The following MACROD2 variants were observed in gnomAD, a reference collection of about 807,000 sequenced individuals.
The protein encoded by MACROD2 is mono-ADP ribosylhydrolase 2.
A neutral mutation model predicts 70.4 loss-of-function variants in MACROD2; 36 were observed. The observed-to-expected ratio is 0.51, with a 90% CI of 0.39 to 0.68. The LOEUF (loss-of-function observed/expected upper bound fraction) is 0.68. Among genes scored for constraint, MACROD2 ranks in the 30% least tolerant of loss-of-function variants. The pLI is 0.00. For synonymous variants in MACROD2, 172 were observed against 178.8 expected (o/e 0.96, Z 0.30); for missense variants, 496 against 538.4 (o/e 0.92, Z 0.78).
intron 5 of MACROD2, among the ~76,000 whole-genome samples, chr20:15,030,906 G>A (rs2075269442): frequency 6.6e-6 from 1 of 152,200 alleles, no homozygotes; most frequent in African/African-American, 2.4e-5. Flanking sequence ...GAGGCTGGTA[G>A]CGCCTTTGCC....
At chr20:15,686,860 G>T in intron 8 of MACROD2, among the ~76,000 whole-genome samples, 1 of 124,966 alleles carries the variant, frequency 8.0e-6, no homozygotes, top group Non-Finnish European at 1.6e-5. Context: ...GTGACAGAGT[G>T]AGACTCCATC....
chr20:14,409,249 C>T (rs2122859715), intron 3 of MACROD2, among the ~76,000 whole-genome samples: 1 of 150,900 alleles, frequency 6.6e-6, no homozygotes, highest in South Asian at 2.1e-4. Context: ...GATCCCCCTG[C>T]AATGGAAGCT....
At chr20:14,797,675 CAGCACATAT>C (rs2072526450) in intron 5 of MACROD2, among the ~76,000 whole-genome samples, 1 of 152,122 alleles carries the variant, frequency 6.6e-6, no homozygotes, top group Non-Finnish European at 1.5e-5. Context: ...CTTTCTTTCA[CAGCACATAT>C]AGCTGTAGAT....
At chr20:15,230,103 C>CTAA in intron 6 of MACROD2, 42 bp downstream of exon 6, 14 of 1,578,468 alleles carry the variant, frequency 8.9e-6, no homozygotes, top group Non-Finnish European at 1.2e-5. Flanking sequence ...CTTTTTCAAC[C>CTAA]TTTATGCTTT....
chr20:14,846,691 A>G (rs1753040564), intron 5 of MACROD2, among the ~76,000 whole-genome samples: 1 of 151,582 alleles, frequency 6.6e-6, no homozygotes, highest in African/African-American at 2.4e-5. Flanking sequence ...CTAATTTTTT[A>G]TATTTTTAGT....
intron 4 of MACROD2, among the ~76,000 whole-genome samples, chr20:14,526,697 T>A (rs986176034): frequency 6.6e-6 from 1 of 152,164 alleles, no homozygotes. Flanking sequence ...TCACAGGGCA[T>A]GTGGTGGGGG....
chr20:14,238,387 A>G (rs943128843), intron 3 of MACROD2, among the ~76,000 whole-genome samples: 10 of 152,228 alleles, frequency 6.6e-5, no homozygotes, highest in Non-Finnish European at 1.0e-4. Flanking sequence ...TCAACACACC[A>G]GGCGTTGAAG....
At chr20:14,874,486 T>G (rs1036474474) in intron 5 of MACROD2, among the ~76,000 whole-genome samples, 1 of 151,016 alleles carries the variant, frequency 6.6e-6, no homozygotes, top group Non-Finnish European at 1.5e-5. Flanking sequence ...ACAAACAAAC[T>G]TTATAGGTCA....
rs982512385 is a variant in MACROD2 at position 14,987,396 on chromosome 20, C to T, written c.419-242544C>T. ...TTACTATTATTACTGGGATTGTTGC[C>T]GCCGTTGTTATTAAACAACTTGTTC... is the stretch of plus-strand genomic sequence containing the variant. On this transcript the variant is annotated intron_variant, in intron 5 of 17. Transcript: ENST00000684519. Among the ~76,000 whole-genome samples the T allele has an allele frequency of 2.1e-4, 32 of 152,094 alleles. 1 individual carries two copies. Among genetic ancestry groups the T allele is most frequent in the African/African-American group, 6.3e-4 (26 of 41,404 alleles).
At chr20:15,698,352 CA>C (rs2050407109) in intron 8 of MACROD2, among the ~76,000 whole-genome samples, 1 of 152,150 alleles carries the variant, frequency 6.6e-6, no homozygotes, top group Non-Finnish European at 1.5e-5. Context: ...TCCCTGGATA[CA>C]AAATTCTTGA....
rs541303881 is a variant in MACROD2 at position 15,618,844 on chromosome 20, C to T, written c.645+118997C>T. Among the ~76,000 whole-genome samples the T allele has an allele frequency of 4.6e-5, 7 of 152,258 alleles. No homozygotes were observed. In the South Asian group the frequency reaches 6.2e-4, roughly 14 times the overall value. ...AGAGAAAGAGTAAAATTCTCAGAGCCGGCTGTGCGGAGACAGGAGTTTTAT... is the reference window on the plus strand; with the variant it reads ...AGAGAAAGAGTAAAATTCTCAGAGCTGGCTGTGCGGAGACAGGAGTTTTAT... On this transcript the variant is annotated intron_variant, in intron 8 of 17. Coordinates refer to ENST00000684519, the MANE Select transcript of MACROD2 (RefSeq NM_001351661.2).
intron 8 of MACROD2, among the ~76,000 whole-genome samples, chr20:15,507,931 T>G (rs2047449167): frequency 6.6e-6 from 1 of 152,200 alleles, no homozygotes; most frequent in South Asian, 2.1e-4. Flanking sequence ...TTATTACCAG[T>G]TAGCCAGTGA....
intron 5 of MACROD2, among the ~76,000 whole-genome samples, chr20:14,832,292 C>G (rs562135846): frequency 6.6e-6 from 1 of 151,928 alleles, no homozygotes; most frequent in African/African-American, 2.4e-5. Flanking sequence ...CTGAATTGAT[C>G]AGGCTGAGAA....
chr20:15,947,507 A>C (rs2065841547), intron 12 of MACROD2, among the ~76,000 whole-genome samples: 1 of 152,120 alleles, frequency 6.6e-6, no homozygotes, highest in Non-Finnish European at 1.5e-5. Context: ...CATACAACAC[A>C]TGTTTCTGTG....
At chr20:14,702,772 G>A (rs1386517432) in intron 5 of MACROD2, among the ~76,000 whole-genome samples, 1 of 149,438 alleles carries the variant, frequency 6.7e-6, no homozygotes, top group Non-Finnish European at 1.5e-5. Flanking sequence ...TTGTCATTCA[G>A]GGTGGAGTGC....
At chr20:14,929,860 C>T (rs1464408079) in intron 5 of MACROD2, among the ~76,000 whole-genome samples, 1 of 152,118 alleles carries the variant, frequency 6.6e-6, no homozygotes, top group Non-Finnish European at 1.5e-5. Context: ...CACCCCATCA[C>T]TTAGAAATTT....
At chr20:15,654,926 G>A (rs539443719) in intron 8 of MACROD2, among the ~76,000 whole-genome samples, 7 of 152,172 alleles carry the variant, frequency 4.6e-5, no homozygotes, top group Admixed American at 3.3e-4. Flanking sequence ...TGTAGATATC[G>A]GCACACAGTG....
chr20:14,599,658 A>T (rs1982359325), intron 4 of MACROD2, among the ~76,000 whole-genome samples: 1 of 152,074 alleles, frequency 6.6e-6, no homozygotes, highest in African/African-American at 2.4e-5. Context: ...AGGTAGAGAG[A>T]TTGGAAGCAC....
At chr20:15,109,481 C>T (rs117411924) in intron 5 of MACROD2, among the ~76,000 whole-genome samples, 266 of 152,170 alleles carry the variant, frequency 1.7e-3, no homozygotes, top group Non-Finnish European at 3.1e-3. Context: ...AGGTAGGAAG[C>T]TAAAGAGATG....
Sources: allele counts gnomAD v4.1 joint callset (sites outside exome capture counted in the v4.1 genomes callset), GRCh38; gene constraint gnomAD v4.1.1; transcripts MANE v1.5; gene names NCBI Gene and HGNC (gene_info 2026-07-23, HGNC 2026-07-21).